Variants in NCKAP5 observed in about 807,000 individuals in gnomAD.
NCKAP5 encodes the protein nck-associated protein 5.
NCKAP5 carries 92 observed loss-of-function variants against 167.0 expected under a neutral mutation model. The observed-to-expected ratio is 0.55, with a 90% CI of 0.47 to 0.66. NCKAP5 has a LOEUF of 0.66. Among genes scored for constraint, NCKAP5 ranks in the 30% least tolerant of loss-of-function variants. The probability of loss-of-function intolerance (pLI) is 0.00; values close to 1 mark genes in which losing one functional copy is unlikely to be tolerated. For synonymous variants in NCKAP5, 891 were observed against 877.4 expected (o/e 1.02, Z -0.27); for missense variants, 2,378 against 2,315.0 (o/e 1.03, Z -0.56).
At chr2:133,612,642 C>T in the NCKAP5 span, among the ~76,000 whole-genome samples, 2 of 152,112 alleles carry the variant, frequency 1.3e-5, no homozygotes, top group Admixed American at 6.6e-5. Context: ...TTCTGGGGGC[C>T]TCCATTTCTC....
At chr2:132,946,594 A>G (rs1310093996) in intron 8 of NCKAP5, among the ~76,000 whole-genome samples, 1 of 152,180 alleles carries the variant, frequency 6.6e-6, no homozygotes, top group Non-Finnish European at 1.5e-5. Context: ...ATGTTTTATC[A>G]CCTTCATAAG....
intron 5 of NCKAP5, among the ~76,000 whole-genome samples, chr2:133,171,208 A>C (rs1263167137): frequency 1.3e-5 from 2 of 152,200 alleles, no homozygotes; most frequent in African/African-American, 4.8e-5. Flanking sequence ...TGTGACATGA[A>C]ACCCACAAAA....
At chr2:133,194,397 A>G (rs1002024686) in intron 5 of NCKAP5, among the ~76,000 whole-genome samples, 2 of 152,098 alleles carry the variant, frequency 1.3e-5, no homozygotes, top group African/African-American at 4.8e-5. Context: ...CACATACGGT[A>G]GGAACAATAC....
chr2:133,119,462 A>G (rs2082186213), intron 6 of NCKAP5, among the ~76,000 whole-genome samples: 1 of 152,210 alleles, frequency 6.6e-6, no homozygotes, highest in African/African-American at 2.4e-5. Context: ...ATGAAATACA[A>G]TTGCTTAGAT....
rs755675681 is a variant in NCKAP5 at position 132,782,220 on chromosome 2, T to C, written c.4591A>G (p.Lys1531Glu). Reference sequence around the variant, plus strand: ...ACTTTTGCATCTTTCTTTTCTACTTTGGTTTTGGAGATGTCCATTTTCCTG... The same window carrying C: ...ACTTTTGCATCTTTCTTTTCTACTTCGGTTTTGGAGATGTCCATTTTCCTG... Reference protein sequence around the residue: ...SSRKMDISKTKVEKKDAKVLG... With the variant: ...SSRKMDISKTEVEKKDAKVLG... Residue 1531 changes from lysine to glutamate, a missense_variant, in exon 14 of 20, where the codon AAA becomes GAA. Physicochemically the swap from Lys to Glu is moderately conservative, Grantham distance 56. Around this residue, in one of 3 missense-constraint regions of NCKAP5, gnomAD observed 1,325 missense variants for 1,274.5 expected, o/e 1.04. Transcript: ENST00000409261. 3 of 1,613,968 alleles carry C rather than the reference T, an allele frequency of 1.9e-6. No individual in the cohort carries two copies. Among genetic ancestry groups the C allele is most frequent in the Non-Finnish European group, 2.5e-6 (3 of 1,179,892 alleles).
chr2:133,389,953 A>C (rs942605328), intron 3 of NCKAP5, among the ~76,000 whole-genome samples: 3 of 152,184 alleles, frequency 2.0e-5, no homozygotes, highest in Non-Finnish European at 4.4e-5. Context: ...CCTAAGTAAT[A>C]TCTTGATTAG....
chr2:133,552,308 C>T (rs1298289742), intron 2 of NCKAP5, among the ~76,000 whole-genome samples: 198 of 109,414 alleles, frequency 1.8e-3, no homozygotes, highest in Middle Eastern at 0.013. Flanking sequence ...ATGTTTATTG[C>T]GGCATTATTC....
chr2:132,805,227 T>C (rs891716486), intron 11 of NCKAP5, among the ~76,000 whole-genome samples: 4 of 152,236 alleles, frequency 2.6e-5, no homozygotes, highest in South Asian at 4.1e-4. Flanking sequence ...AGAACTATCA[T>C]ACCTGTCTTG....
chr2:133,060,759 C>T (rs1054299855), intron 6 of NCKAP5, among the ~76,000 whole-genome samples: 6 of 152,100 alleles, frequency 3.9e-5, no homozygotes, highest in African/African-American at 7.2e-5. Context: ...AATAAAGAAA[C>T]GTCTTTCTTT....
At chr2:132,842,542 T>C (rs529762582) in intron 11 of NCKAP5, among the ~76,000 whole-genome samples, 2 of 152,128 alleles carry the variant, frequency 1.3e-5, no homozygotes, top group South Asian at 4.1e-4. Flanking sequence ...AACTTCCATT[T>C]TTTCTTTTCT....
intron 5 of NCKAP5, among the ~76,000 whole-genome samples, chr2:133,158,357 A>C (rs1284454566): frequency 4.6e-5 from 7 of 152,210 alleles, no homozygotes. Flanking sequence ...AGATAATTAC[A>C]CATTTTCTTC....
At chr2:133,186,667 G>T (rs2084959681) in intron 5 of NCKAP5, among the ~76,000 whole-genome samples, 1 of 151,838 alleles carries the variant, frequency 6.6e-6, no homozygotes, top group Admixed American at 6.6e-5. Flanking sequence ...CTTTTTTCCT[G>T]GTTCAATCTT....
At chr2:132,837,854 G>A (rs1471763830) in intron 11 of NCKAP5, among the ~76,000 whole-genome samples, 4 of 152,176 alleles carry the variant, frequency 2.6e-5, no homozygotes, top group African/African-American at 9.7e-5. Context: ...GGAACTGGAG[G>A]CTGTTTAGCT....
chr2:132,966,808 G>A (rs11904636), intron 7 of NCKAP5, among the ~76,000 whole-genome samples: 12,493 of 152,210 alleles, frequency 0.082, 590 homozygotes, highest in South Asian at 0.18. Context: ...ATCACAGCCT[G>A]CATGTGGTTA....
At position 132,672,987 on chromosome 2, in the gene NCKAP5, C is replaced by T. The variant is rs1359087403; in HGVS notation, c.*302G>A. On this transcript the variant is annotated 3_prime_UTR_variant, in exon 20 of 20. Transcript: ENST00000409261. Reference sequence around the variant, plus strand: ...CACCCCCCACCCATCATTTCTTAAGCGCTCCAGTCCCAGCTCACTAAGGGA... The same window carrying T: ...CACCCCCCACCCATCATTTCTTAAGTGCTCCAGTCCCAGCTCACTAAGGGA... 1.7e-5 allele frequency: 11 copies of T among 653,884 alleles called. No individual in the cohort carries two copies. Among genetic ancestry groups the T allele is most frequent in the African/African-American group, 2.6e-5 (1 of 38,422 alleles). 40.5% of individuals were successfully genotyped at this position (653,884 alleles called of 1,614,324 possible). A position where few individuals can be genotyped will look rare whatever the true frequency, so the allele number is the denominator to read the frequency against.
intron 3 of NCKAP5, among the ~76,000 whole-genome samples, chr2:133,501,219 G>A (rs1254821398): frequency 5.3e-5 from 8 of 152,110 alleles, no homozygotes; most frequent in South Asian, 2.1e-4. Flanking sequence ...AAATTTACCC[G>A]TCAAGCATTT....
At chr2:132,810,510 T>C (rs868110042) in intron 11 of NCKAP5, among the ~76,000 whole-genome samples, 4 of 152,344 alleles carry the variant, frequency 2.6e-5, no homozygotes, top group Middle Eastern at 3.4e-3. Flanking sequence ...TTGGGTTAAT[T>C]TGAAGACATT....
chr2:132,848,363 A>T (rs1688823308), intron 11 of NCKAP5, among the ~76,000 whole-genome samples: 1 of 152,180 alleles, frequency 6.6e-6, no homozygotes. Flanking sequence ...TTTATGGCAA[A>T]TTCTGCTGCA....
At chr2:133,178,990 A>C (rs1434539160) in intron 5 of NCKAP5, among the ~76,000 whole-genome samples, 1 of 148,782 alleles carries the variant, frequency 6.7e-6, no homozygotes, top group African/African-American at 2.5e-5. Flanking sequence ...ACATAGGGAG[A>C]CCTTATCTCT....
Sources: gnomAD v4.1 joint callset for allele counts (sites outside exome capture counted in the v4.1 genomes callset) on GRCh38, gnomAD v4.1.1 for gene constraint, gnomAD v4.1.1 regional missense constraint, MANE v1.5 for transcripts, NCBI Gene and HGNC (gene_info 2026-07-23, HGNC 2026-07-21) for gene names.